SREBF2: variants seen among roughly 807,000 people sequenced by gnomAD.
SREBF2 encodes the protein sterol regulatory element binding transcription factor 2, also known as sterol regulatory element-binding protein 2.
SREBF2 carries 55 observed loss-of-function variants against 113.1 expected under a neutral mutation model. The observed-to-expected ratio is 0.49, with a 90% CI of 0.39 to 0.61. The LOEUF (loss-of-function observed/expected upper bound fraction) is 0.61, where lower values mean the gene tolerates loss of function less well. SREBF2 is among the 20% of genes least tolerant of loss of function. The probability of loss-of-function intolerance (pLI) is 0.00; values close to 1 mark genes in which losing one functional copy is unlikely to be tolerated. For missense variants in SREBF2, 1,349 were observed against 1,487.4 expected (o/e 0.91, Z 1.53); for synonymous variants, 593 against 605.7 (o/e 0.98, Z 0.31).
At chr22:41,871,193 G>T (rs540809175) in intron 4 of SREBF2, among the ~76,000 whole-genome samples, 158 bp downstream of exon 4, 1 of 152,034 alleles carries the variant, frequency 6.6e-6, no homozygotes, top group African/African-American at 2.4e-5. Context: ...GTTGTTTTTC[G>T]CTCGAAAAAG....
chr22:41,840,399 G>A (rs1341396980), intron 1 of SREBF2, among the ~76,000 whole-genome samples: 1 of 151,988 alleles, frequency 6.6e-6, no homozygotes, highest in African/African-American at 2.4e-5. Flanking sequence ...CTTATCTTGG[G>A]ACAACCCCTA....
At chr22:41,873,201 A>AAAAAT (rs905555770) in intron 4 of SREBF2, among the ~76,000 whole-genome samples, 14 of 152,184 alleles carry the variant, frequency 9.2e-5, no homozygotes, top group African/African-American at 2.7e-4. Flanking sequence ...CCGTCTCAAA[A>AAAAAT]AAAATAAAAT....
At position 41,873,763 on chromosome 22, in the gene SREBF2, G is replaced by A. The variant is rs139054683; in HGVS notation, c.868-35G>A. 8.7e-4 allele frequency: 1,367 copies of A among 1,564,084 alleles called. 14 individuals carry two copies. In the African/African-American group the frequency reaches 0.015, roughly 17 times the overall value. ...AGGTTGCTTTATGCAGACTAACAAA[G>A]GGATCATTCTGCTGTGTACCTGTCC... On this transcript the variant is annotated intron_variant, in intron 4 of 18. Transcript: ENST00000361204.
chr22:41,838,600 G>T (rs890973046), intron 1 of SREBF2, among the ~76,000 whole-genome samples: 6 of 152,140 alleles, frequency 3.9e-5, no homozygotes, highest in Middle Eastern at 3.2e-3. Context: ...GGGCATGATG[G>T]TGGGCACCTG....
At chr22:41,843,844 TAAAA>T (rs769811734) in intron 1 of SREBF2, among the ~76,000 whole-genome samples, 1 of 138,296 alleles carries the variant, frequency 7.2e-6, no homozygotes, top group African/African-American at 2.7e-5. Context: ...CCCATTTCTG[TAAAA>T]AAAAAAAAAA....
In SREBF2 at chr22:41,833,572, G is replaced by A. The variant is rs2076736531; in HGVS notation, c.88+214G>A. 19 of 437,122 alleles carry A rather than the reference G, an allele frequency of 4.3e-5. No individual in the cohort carries two copies. The East Asian group carries it at 7.2e-4, about 17-fold the overall frequency. The allele number at this position is 437,122 out of a possible 1,614,324, so 27.1% of individuals were successfully genotyped here. A position where few individuals can be genotyped will look rare whatever the true frequency, so the allele number is the denominator to read the frequency against. ...GCTCCGGGAGGCCGTGGGATCTGGG[G>A]CGCCGCGGGGCCGAAAGCGGCGCGA... is the stretch of plus-strand genomic sequence containing the variant. On this transcript the variant is annotated intron_variant, in intron 1 of 18. Transcript: ENST00000361204. The surrounding 1 kb of genome is among the most constrained non-coding windows in gnomAD (Gnocchi z 4.1).
intron 9 of SREBF2, among the ~76,000 whole-genome samples, chr22:41,879,461 TAGGGAG>T (rs1345007657): frequency 2.6e-5 from 4 of 152,028 alleles, no homozygotes; most frequent in Non-Finnish European, 5.9e-5. Flanking sequence ...AGAGGGTTCT[TAGGGAG>T]AATTGGACTG....
chr22:41,852,137 A>C (rs1315528923), intron 1 of SREBF2, among the ~76,000 whole-genome samples: 1 of 151,966 alleles, frequency 6.6e-6, no homozygotes, highest in Non-Finnish European at 1.5e-5. Flanking sequence ...ACAAACAAAC[A>C]AAAGGCAAAC....
chr22:41,870,969 T>C lies in SREBF2; in HGVS notation c.801T>C (p.Ala267=), dbSNP rs2077134558. ...AGACAGATGGCAGCCCTGTTATGGCTGCGGTCCAGAACCCGGCCCTCACCG... is the reference window on the plus strand; with the variant it reads ...AGACAGATGGCAGCCCTGTTATGGCCGCGGTCCAGAACCCGGCCCTCACCG... ...TLKTDGSPVM[A]AVQNPALTAL... is the part of the protein sequence containing the mutation. Residue 267 remains alanine (A), a synonymous_variant, in exon 4 of 19, where the codon GCT becomes GCC. Transcript: ENST00000361204. 1 of 1,614,026 alleles carries C rather than the reference T, an allele frequency of 6.2e-7. No individual in the cohort carries two copies. The highest frequency in any genetic ancestry group is 1.3e-5 in the African/African-American group (1 of 74,914).
chr22:41,849,786 C>T (rs531829539), intron 1 of SREBF2, among the ~76,000 whole-genome samples: 1 of 152,240 alleles, frequency 6.6e-6, no homozygotes, highest in African/African-American at 2.4e-5. Context: ...TTGATGCGTC[C>T]ATTACATACA....
chr22:41,900,410 GT>G lies in SREBF2; in HGVS notation c.2821del (p.Ser941ProfsTer101). 6.2e-7 allele frequency: 1 copy of G among 1,613,940 alleles called. No individual in the cohort carries two copies. Among genetic ancestry groups the G allele is most frequent in the Non-Finnish European group, 8.5e-7 (1 of 1,180,044 alleles). On this transcript the variant is annotated frameshift_variant, in exon 16 of 19. Coordinates refer to ENST00000361204, the MANE Select transcript of SREBF2 (RefSeq NM_004599.4). LOFTEE classifies it high-confidence loss of function. Reference sequence around the variant, plus strand: ...CCTGGGAAAGCAGATGGGCAGCAGAGTTCCTTCTGCCATTGCGAGAGGGCCA... The same window carrying G: ...CCTGGGAAAGCAGATGGGCAGCAGAGTCCTTCTGCCATTGCGAGAGGGCCA... The part of the protein sequence containing the change: ...SLPGKADGQQ[S>X]SFCHCERASG...
intron 17 of SREBF2, among the ~76,000 whole-genome samples, chr22:41,903,981 C>A (rs2077485038): frequency 6.6e-6 from 1 of 152,224 alleles, no homozygotes; most frequent in Admixed American, 6.5e-5. Context: ...TGGAGCGGCA[C>A]CCCTGCCTCC....
At chr22:41,849,158 T>C (rs1370339473) in intron 1 of SREBF2, among the ~76,000 whole-genome samples, 1 of 152,160 alleles carries the variant, frequency 6.6e-6, no homozygotes, top group East Asian at 1.9e-4. Context: ...CCTAACACTT[T>C]GCATGCAGTC....
Position 41,873,980 on chromosome 22 carries a change from C to A in SREBF2, c.1050C>A (p.Ile350=). The A allele has an allele frequency of 6.2e-7, 1 of 1,614,132 alleles. No homozygotes were observed. Among genetic ancestry groups the A allele is most frequent in the Non-Finnish European group, 8.5e-7 (1 of 1,180,036 alleles). The change falls in exon 5 of 19, where the codon ATC becomes ATA. Residue 350 remains isoleucine, a synonymous_variant. Coordinates refer to ENST00000361204, the MANE Select transcript of SREBF2 (RefSeq NM_004599.4). The part of the protein sequence containing the change: ...KRYRSSINDK[I]IELKDLVMGT... ...ATCGCTCCTCCATCAATGACAAAAT[C>A]ATCGAATTGAAAGACCTGGTCATGG...
chr22:41,866,709 C>A (rs2077079363), intron 1 of SREBF2, 122 bp from the exon 2 acceptor site: 4 of 1,188,992 alleles, frequency 3.4e-6, no homozygotes, highest in Admixed American at 3.4e-5. Flanking sequence ...TAAGGGTTTC[C>A]TGACCCATTT....
At position 41,833,452 on chromosome 22, in the gene SREBF2, C is replaced by A; in HGVS notation, c.88+94C>A. On this transcript the variant is annotated intron_variant, in intron 1 of 18. Coordinates refer to ENST00000361204, the MANE Select transcript of SREBF2 (RefSeq NM_004599.4). The surrounding 1 kb of genome is among the most constrained non-coding windows in gnomAD (Gnocchi z 4.1). ...TGCGCGTGCGCCCACCCCCCGACAG[C>A]CCCGGTTCGCGCGGGAAGAACCCCG... 1 of 1,128,960 alleles carries A rather than the reference C, an allele frequency of 8.9e-7. No individual in the cohort carries two copies. Among genetic ancestry groups the A allele is most frequent in the Non-Finnish European group, 1.2e-6 (1 of 800,238 alleles). The allele number at this position is 1,128,960 out of a possible 1,614,324, so 69.9% of individuals were successfully genotyped here.
At chr22:41,840,684 T>C (rs1231307120) in intron 1 of SREBF2, among the ~76,000 whole-genome samples, 1 of 152,256 alleles carries the variant, frequency 6.6e-6, no homozygotes, top group Non-Finnish European at 1.5e-5. Flanking sequence ...AGAAATCTGA[T>C]GCCATTTCCA....
At chr22:41,848,053 C>G (rs1411632184) in intron 1 of SREBF2, among the ~76,000 whole-genome samples, 1 of 151,742 alleles carries the variant, frequency 6.6e-6, no homozygotes, top group East Asian at 1.9e-4. Flanking sequence ...GTAGCTGGGA[C>G]TACAGGCGCC....
chr22:41,873,629 C>A, intron 4 of SREBF2, 169 bp from the exon 5 acceptor site: 1 of 677,142 alleles, frequency 1.5e-6, no homozygotes, highest in Non-Finnish European at 2.6e-6. Context: ...GGTTCCGTGG[C>A]TCCTGAGACT....
Sources: allele counts gnomAD v4.1 joint callset (sites outside exome capture counted in the v4.1 genomes callset), GRCh38; gene constraint gnomAD v4.1.1; non-coding constraint Gnocchi (gnomAD v3.1); transcripts MANE v1.5; gene names NCBI Gene and HGNC (gene_info 2026-07-23, HGNC 2026-07-21).